Variants in POLR3F observed in about 807,000 individuals in gnomAD.
POLR3F encodes RNA polymerase III subunit F.
POLR3F carries 31 observed loss-of-function variants against 43.6 expected under a neutral mutation model. The observed-to-expected ratio is 0.71, with a 90% CI of 0.53 to 0.96. POLR3F has a LOEUF of 0.96. Ranked by LOEUF, POLR3F falls within the 40% of genes least tolerant of loss-of-function variation. The pLI is 0.00. For synonymous variants in POLR3F, 114 were observed against 132.5 expected, an observed-to-expected ratio of 0.86 and a Z score of 0.96; for missense variants, 316 against 391.7, an observed-to-expected ratio of 0.81 and a Z score of 1.63.
At chr20:18,478,218 C>A (rs550098251) in intron 5 of POLR3F, among the ~76,000 whole-genome samples, 1 of 141,010 alleles carries the variant, frequency 7.1e-6, no homozygotes, top group East Asian at 2.1e-4. Flanking sequence ...AAATTTTTTT[C>A]TTTTTTTTTT....
chr20:18,473,947 A>G (rs1168785490), intron 4 of POLR3F, among the ~76,000 whole-genome samples: 1 of 152,138 alleles, frequency 6.6e-6, no homozygotes, highest in East Asian at 1.9e-4. Flanking sequence ...ACCCGCTTGA[A>G]GAACTGTATC....
chr20:18,479,363 C>T (rs1178354771), intron 5 of POLR3F, among the ~76,000 whole-genome samples: 1 of 151,852 alleles, frequency 6.6e-6, no homozygotes, highest in Non-Finnish European at 1.5e-5. Flanking sequence ...GGCATGGTGG[C>T]ACATGCCTGT....
At chr20:18,469,919 T>G (rs930001368) in intron 2 of POLR3F, among the ~76,000 whole-genome samples, 1 of 152,158 alleles carries the variant, frequency 6.6e-6, no homozygotes, top group Admixed American at 6.5e-5. Flanking sequence ...ATTCTCCACA[T>G]TGTCACTCTG....
At chr20:18,477,095 A>C (rs572163548) in intron 5 of POLR3F, among the ~76,000 whole-genome samples, 13 of 149,838 alleles carry the variant, frequency 8.7e-5, no homozygotes, top group East Asian at 1.9e-4. Context: ...AAAAAAAAAA[A>C]ACACACAATG....
chr20:18,481,296 C>T (rs1346715125), intron 7 of POLR3F, among the ~76,000 whole-genome samples: 1 of 152,166 alleles, frequency 6.6e-6, no homozygotes, highest in Non-Finnish European at 1.5e-5. Flanking sequence ...GGCTGGAGTA[C>T]AGTAGTGCGA....
At chr20:18,468,875 GTAT>G in intron 1 of POLR3F, 66 bp from the exon 2 acceptor site, 1 of 796,810 alleles carries the variant, frequency 1.3e-6, no homozygotes, top group Non-Finnish European at 2.3e-6. Context: ...TATTCTACTT[GTAT>G]TTTTACCCCC....
chr20:18,473,043 C>T (rs566953162), intron 3 of POLR3F, 134 bp downstream of exon 3: 159 of 447,988 alleles, frequency 3.5e-4, no homozygotes, highest in Non-Finnish European at 6.0e-4. Context: ...ATTCCATTTC[C>T]CAGAGGTAAC....
chr20:18,481,291 G>A (rs2059807994), intron 7 of POLR3F, among the ~76,000 whole-genome samples: 1 of 152,120 alleles, frequency 6.6e-6, no homozygotes, highest in Non-Finnish European at 1.5e-5. Context: ...GCCCAGGCTG[G>A]AGTACAGTAG....
At position 18,483,909 on chromosome 20, in the gene POLR3F, A is replaced by G. The variant is rs961491975; in HGVS notation, c.*351A>G. On this transcript the variant is annotated 3_prime_UTR_variant, in exon 9 of 9. Coordinates refer to ENST00000377603, the MANE Select transcript of POLR3F (RefSeq NM_006466.4). ...CTATGATAATGGCTAGAGTATAAAAATGTTCTTTTTAAAGTTATTTATTAA... is the reference window on the plus strand; with the variant it reads ...CTATGATAATGGCTAGAGTATAAAAGTGTTCTTTTTAAAGTTATTTATTAA... 1.8e-5 allele frequency: 7 copies of G among 395,144 alleles called. No individual in the cohort carries two copies. Among genetic ancestry groups the G allele is most frequent in the African/African-American group, 1.4e-4 (7 of 48,578 alleles). 24.5% of individuals were successfully genotyped at this position (395,144 alleles called of 1,614,324 possible).
In POLR3F at chr20:18,480,414, C is replaced by A. The variant is rs769797594; in HGVS notation, c.586C>A (p.Arg196=). The change falls in exon 7 of 9, where the codon CGA becomes AGA. Residue 196 remains arginine (R), a synonymous_variant. Transcript: ENST00000377603. Reference sequence around the variant, plus strand: ...TCAATCCTTATAGGCAGAAACAGCACGAGAAAGCAAACAGAACCCAATGAT... The same window carrying A: ...TCAATCCTTATAGGCAGAAACAGCAAGAGAAAGCAAACAGAACCCAATGAT... ...KFLQSKAETA[R]ESKQNPMIQR... The A allele has an allele frequency of 6.2e-7, 1 of 1,607,172 alleles. No individual in the cohort carries two copies. The highest frequency in any genetic ancestry group is 1.7e-5 in the Admixed American group (1 of 59,932).
chr20:18,467,574 C>G lies in POLR3F; in HGVS notation c.62+6C>G. On this transcript the variant is annotated splice_donor_region_variant and intron_variant, in intron 1 of 8. Coordinates refer to ENST00000377603, the MANE Select transcript of POLR3F (RefSeq NM_006466.4). ...CCGGTCGAAATAGAAAACAGGTAAA[C>G]CAGTGAGGCTCCGGCTTGGCACTCC... is the stretch of plus-strand genomic sequence containing the variant. The G allele has an allele frequency of 2.5e-6, 4 of 1,614,178 alleles. No homozygotes were observed. The highest frequency in any genetic ancestry group is 3.4e-6 in the Non-Finnish European group (4 of 1,179,984).
chr20:18,467,423 C>A lies in POLR3F; in HGVS notation c.-84C>A. ...CCCCTCGGCCTCAGCAGAGCGCTATCCTCCACTGGTTCCCCGGGTTCCCCG... is the reference window on the plus strand; with the variant it reads ...CCCCTCGGCCTCAGCAGAGCGCTATACTCCACTGGTTCCCCGGGTTCCCCG... On this transcript the variant is annotated 5_prime_UTR_variant, in exon 1 of 9. Transcript: ENST00000377603. 1 of 1,465,332 alleles carries A rather than the reference C, an allele frequency of 6.8e-7. No homozygotes were observed. Among genetic ancestry groups the A allele is most frequent in the South Asian group, 1.1e-5 (1 of 87,710 alleles). 90.8% of individuals were successfully genotyped at this position (1,465,332 alleles called of 1,614,324 possible). A position where few individuals can be genotyped will look rare whatever the true frequency, so the allele number is the denominator to read the frequency against.
rs958452229 is a variant in POLR3F, at chr20:18,481,978, C to T, written c.873+168C>T. 1.4e-4 allele frequency among the ~76,000 whole-genome samples: 19 copies of T among 135,358 alleles called. No homozygotes were observed. In the Admixed American group the frequency reaches 1.6e-3, roughly 11 times the overall value. The allele number at this position is 135,358 out of a possible 152,430, so 88.8% of individuals were successfully genotyped here. On this transcript the variant is annotated intron_variant, in intron 8 of 8. Transcript: ENST00000377603. ...CAGACCTTTAATGAACACATCATTCCTTTACTTTTTTTTTTTTTTTTTTTT... is the reference window on the plus strand; with the variant it reads ...CAGACCTTTAATGAACACATCATTCTTTTACTTTTTTTTTTTTTTTTTTTT...
At chr20:18,481,050 A>G (rs1198419793) in intron 7 of POLR3F, among the ~76,000 whole-genome samples, 1 of 152,174 alleles carries the variant, frequency 6.6e-6, no homozygotes, top group Non-Finnish European at 1.5e-5. Flanking sequence ...TATTTTTTAT[A>G]AGATTTCTCG....
At chr20:18,478,465 C>T (rs1411200734) in intron 5 of POLR3F, among the ~76,000 whole-genome samples, 1 of 152,116 alleles carries the variant, frequency 6.6e-6, no homozygotes, top group African/African-American at 2.4e-5. Flanking sequence ...CTGCCCACCT[C>T]AGCCTCCCAA....
intron 5 of POLR3F, among the ~76,000 whole-genome samples, chr20:18,479,461 C>T (rs1395280031): frequency 4.6e-5 from 7 of 152,052 alleles, no homozygotes; most frequent in African/African-American, 7.2e-5. Context: ...CACCAGTGCA[C>T]GCCAGCCTGG....
chr20:18,479,200 G>A (rs552060226), intron 5 of POLR3F, among the ~76,000 whole-genome samples: 1 of 150,526 alleles, frequency 6.6e-6, no homozygotes, highest in Admixed American at 6.6e-5. Context: ...TAGAAAGTAA[G>A]AAAGTGCTAC....
At position 18,483,835 on chromosome 20, in the gene POLR3F, T is replaced by C; in HGVS notation, c.*277T>C. The C allele has an allele frequency of 2.5e-6, 1 of 395,860 alleles. No homozygotes were observed. The highest frequency in any genetic ancestry group is 4.4e-6 in the Non-Finnish European group (1 of 225,742). 24.5% of individuals were successfully genotyped at this position (395,860 alleles called of 1,614,324 possible). On this transcript the variant is annotated 3_prime_UTR_variant, in exon 9 of 9. Transcript: ENST00000377603. ...CCGGAGGACCACATCTTTCAAGACTTCTGATGGGTCAAGGAAAAAGATGCC... is the reference window on the plus strand; with the variant it reads ...CCGGAGGACCACATCTTTCAAGACTCCTGATGGGTCAAGGAAAAAGATGCC...
intron 2 of POLR3F, among the ~76,000 whole-genome samples, chr20:18,470,314 T>G (rs1383900428): frequency 6.6e-6 from 1 of 152,202 alleles, no homozygotes. Flanking sequence ...CTTAAACCTT[T>G]CCCATCAATT....
Sources: allele counts gnomAD v4.1 joint callset (sites outside exome capture counted in the v4.1 genomes callset), GRCh38; gene constraint gnomAD v4.1.1; transcripts MANE v1.5; gene names NCBI Gene and HGNC (gene_info 2026-07-23, HGNC 2026-07-21).